Variants in POU6F2 observed in about 807,000 individuals in gnomAD.
POU6F2 encodes the protein POU class 6 homeobox 2, also known as POU domain, class 6, transcription factor 2.
In POU6F2, 31 loss-of-function variants were observed where a neutral mutation model predicts 71.3. That is an observed-to-expected ratio of 0.43 (90% CI 0.33 to 0.59). The LOEUF (loss-of-function observed/expected upper bound fraction) is 0.59. Ranked by LOEUF, POU6F2 falls within the 20% of genes least tolerant of loss-of-function variation. The pLI is 0.04. For missense variants in POU6F2, 783 were observed against 856.8 expected (o/e 0.91, Z 1.07); for synonymous variants, 347 against 355.7 (o/e 0.98, Z 0.27).
chr7:39,279,360 G>T (rs532857040), intron 4 of POU6F2, among the ~76,000 whole-genome samples: 2 of 152,156 alleles, frequency 1.3e-5, no homozygotes, highest in Admixed American at 1.3e-4. Context: ...TTTTGATTCA[G>T]TCCTTACCTT....
chr7:39,455,374 C>T lies in POU6F2; in HGVS notation c.1489+3673C>T, dbSNP rs191625568. Among the ~76,000 whole-genome samples the T allele has an allele frequency of 3.4e-3, 512 of 152,284 alleles. 8 individuals carry two copies. The highest frequency in any genetic ancestry group is 0.011 in the South Asian group (52 of 4,822). ...ATATAGCACAGTGAAACCCCTGTTT[C>T]ACAATCCATGCCATTTTCTACATCC... On this transcript the variant is annotated intron_variant, in intron 8 of 9. Transcript: ENST00000518318.
chr7:39,271,171 A>G (rs34815103), intron 4 of POU6F2, among the ~76,000 whole-genome samples: 2,711 of 152,334 alleles, frequency 0.018, 46 homozygotes, highest in Non-Finnish European at 0.03. Context: ...GGTTGAAAAA[A>G]TTCAAAAGGA....
At chr7:39,390,788 A>G (rs1479286617) in intron 5 of POU6F2, among the ~76,000 whole-genome samples, 2 of 152,220 alleles carry the variant, frequency 1.3e-5, no homozygotes, top group Non-Finnish European at 2.9e-5. Context: ...TACTATCATC[A>G]AATAATGTTG....
chr7:39,453,603 A>G (rs905274877), intron 8 of POU6F2, among the ~76,000 whole-genome samples: 2 of 152,244 alleles, frequency 1.3e-5, no homozygotes, highest in African/African-American at 2.4e-5. Flanking sequence ...GGCAGACAGC[A>G]GACAGTCAGA....
intron 4 of POU6F2, among the ~76,000 whole-genome samples, chr7:39,253,772 A>G (rs1271901649): frequency 6.6e-6 from 1 of 152,034 alleles, no homozygotes; most frequent in Non-Finnish European, 1.5e-5. Flanking sequence ...AGAAACTTCT[A>G]TTTTCTTTCT....
chr7:39,223,702 A>G (rs1014453020), intron 4 of POU6F2, among the ~76,000 whole-genome samples: 3 of 152,152 alleles, frequency 2.0e-5, no homozygotes, highest in African/African-American at 4.8e-5. Context: ...CTTCCATGCC[A>G]GAGTATTGCC....
chr7:39,340,660 G>A (rs1785898867), intron 5 of POU6F2, among the ~76,000 whole-genome samples: 1 of 152,140 alleles, frequency 6.6e-6, no homozygotes, highest in Non-Finnish European at 1.5e-5. Context: ...CTTTATTACT[G>A]TGAGGCTGAG....
chr7:39,150,439 G>A (rs1792732711), intron 2 of POU6F2, among the ~76,000 whole-genome samples: 1 of 142,980 alleles, frequency 7.0e-6, no homozygotes, highest in Non-Finnish European at 1.5e-5. Context: ...ACACTGTTTT[G>A]TATAACAGCT....
chr7:39,166,033 C>T (rs1242225980), intron 2 of POU6F2, among the ~76,000 whole-genome samples: 1 of 152,192 alleles, frequency 6.6e-6, no homozygotes, highest in Non-Finnish European at 1.5e-5. Context: ...TGTCATTGCA[C>T]CTCACTACTC....
intron 4 of POU6F2, among the ~76,000 whole-genome samples, chr7:39,261,670 T>C (rs1290043388): frequency 6.6e-6 from 1 of 152,198 alleles, no homozygotes; most frequent in Non-Finnish European, 1.5e-5. Flanking sequence ...CTGACCACAC[T>C]ACACCATGCT....
chr7:39,034,647 A>G (rs1790018899), intron 1 of POU6F2, among the ~76,000 whole-genome samples: 1 of 152,150 alleles, frequency 6.6e-6, no homozygotes, highest in Admixed American at 6.5e-5. Context: ...TTCTATTTAA[A>G]GTGGACACTG....
At chr7:39,362,303 G>A (rs1786405603) in intron 5 of POU6F2, among the ~76,000 whole-genome samples, 1 of 151,286 alleles carries the variant, frequency 6.6e-6, no homozygotes, top group African/African-American at 2.4e-5. Context: ...AAAAAGTGGG[G>A]AGGGGAAATG....
chr7:39,221,877 T>A (rs1484043490), intron 4 of POU6F2, among the ~76,000 whole-genome samples: 2 of 152,208 alleles, frequency 1.3e-5, no homozygotes, highest in Non-Finnish European at 2.9e-5. Context: ...TAGTTGTCTT[T>A]ATGGTTTAAA....
chr7:39,039,758 G>A (rs1157618675), intron 1 of POU6F2, among the ~76,000 whole-genome samples: 1 of 151,126 alleles, frequency 6.6e-6, no homozygotes, highest in Non-Finnish European at 1.5e-5. Flanking sequence ...TCCCATGAAA[G>A]GTATGTCTAC....
chr7:39,322,979 C>T (rs1785426762), intron 4 of POU6F2, among the ~76,000 whole-genome samples: 1 of 152,190 alleles, frequency 6.6e-6, no homozygotes, highest in African/African-American at 2.4e-5. Flanking sequence ...GCACATGATA[C>T]ATGTTAGGTA....
At chr7:39,393,863 T>G (rs1787123745) in intron 5 of POU6F2, among the ~76,000 whole-genome samples, 1 of 152,258 alleles carries the variant, frequency 6.6e-6, no homozygotes, top group Non-Finnish European at 1.5e-5. Flanking sequence ...CAAGCATATT[T>G]TAATAACCAA....
At chr7:39,104,275 G>A (rs1230224206) in intron 2 of POU6F2, among the ~76,000 whole-genome samples, 3 of 152,238 alleles carry the variant, frequency 2.0e-5, no homozygotes, top group Non-Finnish European at 4.4e-5. Context: ...TTTACATGAT[G>A]ACAACATTCA....
At chr7:39,420,625 G>A (rs1486717409) in intron 6 of POU6F2, among the ~76,000 whole-genome samples, 1 of 152,080 alleles carries the variant, frequency 6.6e-6, no homozygotes, top group African/African-American at 2.4e-5. Context: ...AATTTTTTTA[G>A]CAAAGTTAAA....
intron 5 of POU6F2, among the ~76,000 whole-genome samples, chr7:39,342,684 A>C (rs916785887): frequency 6.6e-6 from 1 of 152,218 alleles, no homozygotes; most frequent in Non-Finnish European, 1.5e-5. Context: ...AAATAAATGT[A>C]AGTAGGTTGT....
Sources: gnomAD v4.1 joint callset for allele counts (sites outside exome capture counted in the v4.1 genomes callset) on GRCh38, gnomAD v4.1.1 for gene constraint, MANE v1.5 for transcripts, NCBI Gene and HGNC (gene_info 2026-07-23, HGNC 2026-07-21) for gene names.